PRPH2: variants seen among roughly 807,000 people sequenced by gnomAD.
PRPH2 encodes peripherin-2.
PRPH2 carries 17 observed loss-of-function variants against 31.3 expected under a neutral mutation model. That is an observed-to-expected ratio of 0.54 (90% CI 0.37 to 0.81). The LOEUF (loss-of-function observed/expected upper bound fraction) is 0.81. PRPH2 is among the 40% of genes least tolerant of loss of function. The pLI is 0.00. For missense variants in PRPH2, 430 were observed against 439.7 expected, an observed-to-expected ratio of 0.98 and a Z score of 0.20; for synonymous variants, 165 against 184.4, an observed-to-expected ratio of 0.89 and a Z score of 0.85.
Position 42,722,021 on chromosome 6 carries a change from CAGAT to C in PRPH2, c.310_313del (p.Ile104ValfsTer34), listed in dbSNP as rs1761913253. On this transcript the variant is annotated frameshift_variant, in exon 1 of 3. Transcript: ENST00000230381. LOFTEE classifies it high-confidence loss of function. This position sits in a 1 kb window ranked among gnomAD's most constrained non-coding sequence, Gnocchi z 4.4. Reference sequence around the variant, plus strand: ...GAAGAGGATGATGTTGAAGAGAACACAGATAGCCAGGTACGGCTTCAGCCAGGGC... The same window carrying C: ...GAAGAGGATGATGTTGAAGAGAACACAGCCAGGTACGGCTTCAGCCAGGGC... 6.2e-7 allele frequency: 1 copy of C among 1,614,130 alleles called. No homozygotes were observed. The highest frequency in any genetic ancestry group is 2.2e-5 in the East Asian group (1 of 44,878).
intron 1 of PRPH2, among the ~76,000 whole-genome samples, chr6:42,716,218 C>T (rs747511693): frequency 6.6e-6 from 1 of 151,998 alleles, no homozygotes; most frequent in Non-Finnish European, 1.5e-5. Flanking sequence ...CTCACCCGAA[C>T]CTCTTTGTTG....
chr6:42,705,627 T>TATATATATATATATATATATATAC, intron 1 of PRPH2, among the ~76,000 whole-genome samples: 2 of 128,072 alleles, frequency 1.6e-5, no homozygotes, highest in Admixed American at 1.6e-4. Flanking sequence ...TATATATATA[T>TATATATATATATATATATATATAC]ATATTTGTGC....
chr6:42,709,334 TAAA>T (rs58632063), intron 1 of PRPH2, among the ~76,000 whole-genome samples: 15 of 77,046 alleles, frequency 1.9e-4, no homozygotes, highest in Admixed American at 4.6e-4. Context: ...TGTCTCAAAT[TAAA>T]AAAAAAAAAA....
At position 42,718,652 on chromosome 6, in the gene PRPH2, A is replaced by T. The variant is rs537203258; in HGVS notation, c.581+3102T>A. 3.3e-5 allele frequency among the ~76,000 whole-genome samples: 5 copies of T among 149,254 alleles called. No individual in the cohort carries two copies. The South Asian group carries it at 1.1e-3, about 32-fold the overall frequency. ...AAGAAATTTGTGTGCTAATTCATAT[A>T]TTTTTTTTTTTTCTGAGATAGGGTC... On this transcript the variant is annotated intron_variant, in intron 1 of 2. Transcript: ENST00000230381.
At chr6:42,708,023 GA>G (rs2152006400) in intron 1 of PRPH2, among the ~76,000 whole-genome samples, 1 of 152,330 alleles carries the variant, frequency 6.6e-6, no homozygotes, top group South Asian at 2.1e-4. Context: ...AGTGCTTGAA[GA>G]GTGCTGGTAT....
At chr6:42,702,525 C>T (rs1323020700) in intron 2 of PRPH2, among the ~76,000 whole-genome samples, 1 of 138,434 alleles carries the variant, frequency 7.2e-6, no homozygotes, top group Non-Finnish European at 1.6e-5. Context: ...CTAACAGGCT[C>T]TCATTCAACA....
rs1333678215 is a variant in PRPH2 at position 42,716,975 on chromosome 6, T to TC, written c.581+4778_581+4779insG. On this transcript the variant is annotated intron_variant, in intron 1 of 2. Coordinates refer to ENST00000230381, the MANE Select transcript of PRPH2 (RefSeq NM_000322.5). ...TTTCTTTCTTTTCTTTTTTTTTTTT[T>TC]TTTTTTTTTTTGGTAGAGGTGAAGT... is the stretch of plus-strand genomic sequence containing the variant. Among the ~76,000 whole-genome samples the TC allele has an allele frequency of 4.5e-3, 583 of 130,062 alleles. 3 individuals are homozygous for TC. Among genetic ancestry groups the TC allele is most frequent in the African/African-American group, 0.015 (535 of 34,558 alleles). 85.3% of individuals were successfully genotyped at this position (130,062 alleles called of 152,430 possible). A position where few individuals can be genotyped will look rare whatever the true frequency, so the allele number is the denominator to read the frequency against.
chr6:42,700,810 C>G (rs1170849753), intron 2 of PRPH2, among the ~76,000 whole-genome samples: 1 of 152,152 alleles, frequency 6.6e-6, no homozygotes, highest in African/African-American at 2.4e-5. Flanking sequence ...TTATGCTCAG[C>G]CACCCTTGGC....
intron 1 of PRPH2, chr6:42,711,953 G>T: frequency 1.0e-6 from 1 of 985,392 alleles, no homozygotes; most frequent in Middle Eastern, 5.2e-4. Context: ...TAAAAGAAGT[G>T]TTGTAAACTG....
chr6:42,705,599 A>AAAAATATATATATATATATAT (rs1562424252), intron 1 of PRPH2, among the ~76,000 whole-genome samples: 7 of 21,520 alleles, frequency 3.3e-4, no homozygotes, highest in Non-Finnish European at 4.2e-4. Context: ...AAAAAAAAAA[A>AAAAATATATATATATATATAT]ATATATATAT....
At chr6:42,708,702 G>A (rs554297911) in intron 1 of PRPH2, among the ~76,000 whole-genome samples, 66 of 152,326 alleles carry the variant, frequency 4.3e-4, no homozygotes, top group African/African-American at 1.5e-3. Flanking sequence ...CAGTGTCCCA[G>A]CTGAGCCATT....
intron 2 of PRPH2, among the ~76,000 whole-genome samples, chr6:42,700,787 CAG>C (rs1383855190): frequency 1.3e-5 from 2 of 152,140 alleles, no homozygotes; most frequent in Non-Finnish European, 2.9e-5. Flanking sequence ...CAGCCAAGAT[CAG>C]ACTCCTAACA....
At chr6:42,720,049 A>C (rs1250132221) in intron 1 of PRPH2, among the ~76,000 whole-genome samples, 2 of 152,104 alleles carry the variant, frequency 1.3e-5, no homozygotes, top group Non-Finnish European at 2.9e-5. Context: ...TGTGCGTGTA[A>C]TAGAAGAATT....
intron 1 of PRPH2, among the ~76,000 whole-genome samples, chr6:42,719,953 A>G (rs1022661714): frequency 3.3e-5 from 5 of 152,196 alleles, no homozygotes; most frequent in African/African-American, 1.2e-4. Context: ...TAGAAAAACT[A>G]AAGGCATTAA....
chr6:42,722,464 G>C lies in PRPH2; in HGVS notation c.-130C>G, dbSNP rs911655771. 60 of 1,529,670 alleles carry C rather than the reference G, an allele frequency of 3.9e-5. No individual in the cohort carries two copies. The Middle Eastern group carries it at 6.8e-4, about 17-fold the overall frequency. The allele number at this position is 1,529,670 out of a possible 1,614,324, so 94.8% of individuals were successfully genotyped here. A position where few individuals can be genotyped will look rare whatever the true frequency, so the allele number is the denominator to read the frequency against. ...CCCAAGCTGTAGGGAGCTGCCCTGG[G>C]GGCTACCCATGTCGAGTCCCACTAG... is the stretch of plus-strand genomic sequence containing the variant. On this transcript the variant is annotated 5_prime_UTR_variant, in exon 1 of 3. Coordinates refer to ENST00000230381, the MANE Select transcript of PRPH2 (RefSeq NM_000322.5). This position sits in a 1 kb window ranked among gnomAD's most constrained non-coding sequence, Gnocchi z 4.4.
chr6:42,718,502 A>G (rs1395295255), intron 1 of PRPH2, among the ~76,000 whole-genome samples: 1 of 152,092 alleles, frequency 6.6e-6, no homozygotes, highest in Non-Finnish European at 1.5e-5. Context: ...AAATAAAAAT[A>G]AAAGTCTGTG....
chr6:42,717,976 G>A (rs559994424), intron 1 of PRPH2, among the ~76,000 whole-genome samples: 63 of 152,142 alleles, frequency 4.1e-4, no homozygotes, highest in Non-Finnish European at 7.8e-4. Context: ...GACCAGCTTG[G>A]CCAACGTGGT....
chr6:42,713,572 A>C (rs566058566), intron 1 of PRPH2, among the ~76,000 whole-genome samples: 1 of 152,120 alleles, frequency 6.6e-6, no homozygotes, highest in Non-Finnish European at 1.5e-5. Context: ...CCAACCCTGC[A>C]TCATCTCTGC....
chr6:42,719,349 T>A (rs1474470884), intron 1 of PRPH2, among the ~76,000 whole-genome samples: 2 of 151,864 alleles, frequency 1.3e-5, no homozygotes, highest in East Asian at 3.9e-4. Flanking sequence ...TAATTTTCTG[T>A]ATTTTTAGTA....
Sources: allele counts gnomAD v4.1 joint callset (sites outside exome capture counted in the v4.1 genomes callset), GRCh38; gene constraint gnomAD v4.1.1; non-coding constraint Gnocchi (gnomAD v3.1); transcripts MANE v1.5; gene names NCBI Gene and HGNC (gene_info 2026-07-23, HGNC 2026-07-21).